Variants in POLR3B observed in about 807,000 individuals in gnomAD.
The protein encoded by POLR3B is RNA polymerase III subunit B.
A neutral mutation model predicts 147.4 loss-of-function variants in POLR3B; 96 were observed. The ratio of observed to expected loss-of-function variants is 0.65; its 90% CI spans 0.55 to 0.77. The LOEUF is 0.77. Ranked by LOEUF, POLR3B falls within the 30% of genes least tolerant of loss-of-function variation. The pLI, the probability that POLR3B is intolerant of heterozygous loss-of-function variation, is 0.00. For synonymous variants in POLR3B, 461 were observed against 485.9 expected, an observed-to-expected ratio of 0.95 and a Z score of 0.67; for missense variants, 1,036 against 1,413.5, an observed-to-expected ratio of 0.73 and a Z score of 4.28.
intron 1 of POLR3B, among the ~76,000 whole-genome samples, chr12:106,361,859 G>A (rs558697649): frequency 5.3e-5 from 8 of 152,348 alleles, no homozygotes; most frequent in African/African-American, 1.9e-4. Context: ...AGTGTTATAA[G>A]ACAGTGATCG....
intron 16 of POLR3B, 119 bp from the exon 17 acceptor site, chr12:106,436,938 A>G: frequency 1.3e-6 from 1 of 781,648 alleles, no homozygotes; most frequent in Non-Finnish European, 2.2e-6. Context: ...TGTCCTCAGC[A>G]ATCCAGGAAT....
chr12:106,404,173 C>G (rs945157519), intron 10 of POLR3B, among the ~76,000 whole-genome samples: 2 of 149,814 alleles, frequency 1.3e-5, no homozygotes, highest in African/African-American at 4.9e-5. Context: ...TCACTGCAAT[C>G]TCCCTTTCCT....
At chr12:106,474,819 C>T (rs1217971852) in intron 23 of POLR3B, among the ~76,000 whole-genome samples, 1 of 151,922 alleles carries the variant, frequency 6.6e-6, no homozygotes, top group East Asian at 1.9e-4. Flanking sequence ...AAAACCAGCT[C>T]CTGGATCCAT....
At position 106,376,249 on chromosome 12, in the gene POLR3B, G is replaced by A. The variant is rs150798368; in HGVS notation, c.405-110G>A. 29 of 757,458 alleles carry A rather than the reference G, an allele frequency of 3.8e-5. 1 individual carries two copies. In the Middle Eastern group the frequency reaches 6.9e-4, roughly 18 times the overall value. 46.9% of individuals were successfully genotyped at this position (757,458 alleles called of 1,614,324 possible). A position where few individuals can be genotyped will look rare whatever the true frequency, so the allele number is the denominator to read the frequency against. On this transcript the variant is annotated intron_variant, in intron 6 of 27. Transcript: ENST00000228347. ...ATTTCTCTGCCTTTTCTAACATGGT[G>A]CATAGATAGACCCTTAGTGAGGTGG...
rs759363091 is a variant in POLR3B, at chr12:106,357,949, G to C, written c.70G>C (p.Glu24Gln). 1.2e-5 allele frequency: 19 copies of C among 1,612,664 alleles called. No homozygotes were observed. In the East Asian group the frequency reaches 1.8e-4, roughly 15 times the overall value. Reference sequence around the variant, plus strand: ...GCTGGCGGCGCCGATCCCGACTGTAGAGGTCAGTGCCAGGCACGCAGGGAG... The same window carrying C: ...GCTGGCGGCGCCGATCCCGACTGTACAGGTCAGTGCCAGGCACGCAGGGAG... ...EQLAAPIPTV[E>Q]EKWRLLPAFL... Residue 24 changes from glutamate (E) to glutamine (Q), a missense_variant and splice_region_variant, in exon 1 of 28, where the codon GAG becomes CAG. This residue lies in a region of POLR3B where 150 missense variants were observed against 145.5 expected (regional missense o/e 1.03). Coordinates refer to ENST00000228347, the MANE Select transcript of POLR3B (RefSeq NM_018082.6).
intron 14 of POLR3B, 35 bp from the exon 15 acceptor site, chr12:106,432,283 T>C (rs774436287): frequency 6.3e-7 from 1 of 1,595,112 alleles, no homozygotes; most frequent in Non-Finnish European, 8.6e-7. Context: ...ATTACTAATG[T>C]TCATTCTTAG....
chr12:106,389,623 A>G lies in POLR3B; in HGVS notation c.724-3408A>G, dbSNP rs566137336. Reference sequence around the variant, plus strand: ...CAGGTTTTTTTTTTTTAATTTTGGAATATTGGCATTGTCCTTATCCTTATG... The same window carrying G: ...CAGGTTTTTTTTTTTTAATTTTGGAGTATTGGCATTGTCCTTATCCTTATG... On this transcript the variant is annotated intron_variant, in intron 9 of 27. Transcript: ENST00000228347. 1.3e-4 allele frequency among the ~76,000 whole-genome samples: 19 copies of G among 151,894 alleles called. No homozygotes were observed. The South Asian group carries it at 2.1e-3, about 17-fold the overall frequency.
At position 106,393,767 on chromosome 12, in the gene POLR3B, TACACACAC is replaced by T. The variant is rs34402190; in HGVS notation, c.846+645_846+652del. ...AGACTCAAAGATGAAGACTGAGAAA[TACACACAC>T]ACACACACACACACACACACACACA... is the stretch of plus-strand genomic sequence containing the variant. On this transcript the variant is annotated intron_variant, in intron 10 of 27. Transcript: ENST00000228347. 9.9e-3 allele frequency among the ~76,000 whole-genome samples: 1,264 copies of T among 128,014 alleles called. 25 individuals carry two copies. Among genetic ancestry groups the T allele is most frequent in the African/African-American group, 0.033 (1,155 of 35,090 alleles). The allele number at this position is 128,014 out of a possible 152,430, so 84.0% of individuals were successfully genotyped here.
rs751544859 is a variant in POLR3B, at chr12:106,378,356, A to G, written c.586A>G (p.Lys196Glu). Reference protein sequence around the residue: ...KNRIIVEADRKGAVGASVTSS... With the variant: ...KNRIIVEADREGAVGASVTSS... The stretch of plus-strand genomic sequence containing the variant: ...CAGGATCATCGTGGAGGCTGATAGA[A>G]AAGGGGCTGTTGGAGCTTCAGTTAC... The change falls in exon 8 of 28, where the codon AAA becomes GAA. Residue 196 changes from lysine (K) to glutamate (E), a missense_variant. By Grantham distance (56) the Lys-to-Glu change is moderately conservative (BLOSUM62 1). This residue lies in a region of POLR3B where 217 missense variants were observed against 288.7 expected (regional missense o/e 0.75). Transcript: ENST00000228347. The G allele has an allele frequency of 6.2e-7, 1 of 1,613,156 alleles. No individual in the cohort carries two copies. Among genetic ancestry groups the G allele is most frequent in the Non-Finnish European group, 8.5e-7 (1 of 1,179,090 alleles).
At chr12:106,502,389 C>G (rs1424821973) in intron 26 of POLR3B, among the ~76,000 whole-genome samples, 2 of 152,172 alleles carry the variant, frequency 1.3e-5, no homozygotes, top group Admixed American at 1.3e-4. Context: ...TGACCACAGT[C>G]TGATGAAACT....
At chr12:106,360,663 T>C (rs1367133610) in intron 1 of POLR3B, among the ~76,000 whole-genome samples, 1 of 152,246 alleles carries the variant, frequency 6.6e-6, no homozygotes, top group Non-Finnish European at 1.5e-5. Flanking sequence ...GTGCTTATGG[T>C]AGCACAGCAG....
chr12:106,386,912 A>C (rs2036847452), intron 9 of POLR3B, among the ~76,000 whole-genome samples: 1 of 152,176 alleles, frequency 6.6e-6, no homozygotes, highest in Non-Finnish European at 1.5e-5. Context: ...GTCTCAAAAA[A>C]AAAAAGAAAA....
Position 106,390,235 on chromosome 12 carries a change from C to G in POLR3B, c.724-2796C>G, listed in dbSNP as rs868076710. On this transcript the variant is annotated intron_variant, in intron 9 of 27. Transcript: ENST00000228347. ...TCTGTCTCTGAAAAAAAAAAAAAAG[C>G]AAAACAAAAAAACAAGCAGAAAAAC... Among the ~76,000 whole-genome samples the G allele has an allele frequency of 3.0e-3, 416 of 136,926 alleles. 1 individual carries two copies. The highest frequency in any genetic ancestry group is 0.01 in the African/African-American group (357 of 35,504). 89.8% of individuals were successfully genotyped at this position (136,926 alleles called of 152,430 possible).
chr12:106,458,202 A>T (rs1435483710), intron 21 of POLR3B, among the ~76,000 whole-genome samples: 1 of 151,936 alleles, frequency 6.6e-6, no homozygotes, highest in Non-Finnish European at 1.5e-5. Flanking sequence ...GCTCACTGCA[A>T]CCTCTGCCTC....
chr12:106,410,059 T>C (rs1346915890), intron 11 of POLR3B, among the ~76,000 whole-genome samples: 2 of 152,230 alleles, frequency 1.3e-5, no homozygotes, highest in African/African-American at 4.8e-5. Flanking sequence ...CATTCGGCAG[T>C]TATTTGTTGC....
chr12:106,430,110 T>C (rs576250542), intron 13 of POLR3B, among the ~76,000 whole-genome samples, 163 bp from the exon 14 acceptor site: 3 of 152,358 alleles, frequency 2.0e-5, no homozygotes, highest in African/African-American at 7.2e-5. Context: ...GTGACTTGAC[T>C]AAACTTTCAT....
rs1444663744 is a variant in POLR3B at position 106,461,275 on chromosome 12, A to T, written c.2570+1907A>T. The stretch of plus-strand genomic sequence containing the variant: ...CACTCAGCTAATTTTTTGTATTTTT[A>T]CAAAAACAAAAAATACAATATGTTG... On this transcript the variant is annotated intron_variant, in intron 22 of 27. Transcript: ENST00000228347. Among the ~76,000 whole-genome samples the T allele has an allele frequency of 2.0e-5, 3 of 152,020 alleles. No homozygotes were observed. The East Asian group carries it at 5.8e-4, about 29-fold the overall frequency.
chr12:106,484,232 G>A (rs1441608014), intron 23 of POLR3B, among the ~76,000 whole-genome samples: 3 of 152,132 alleles, frequency 2.0e-5, no homozygotes, highest in Non-Finnish European at 2.9e-5. Context: ...GAAAAACCAC[G>A]GGGACTGTGG....
intron 12 of POLR3B, among the ~76,000 whole-genome samples, chr12:106,415,697 T>G (rs2037292920): frequency 6.6e-6 from 1 of 152,102 alleles, no homozygotes; most frequent in Non-Finnish European, 1.5e-5. Flanking sequence ...TTTAATTTTT[T>G]TAAAAGTGTT....
Sources: allele counts gnomAD v4.1 joint callset (sites outside exome capture counted in the v4.1 genomes callset), GRCh38; gene constraint gnomAD v4.1.1; regional missense constraint gnomAD v4.1.1; transcripts MANE v1.5; gene names NCBI Gene and HGNC (gene_info 2026-07-23, HGNC 2026-07-21).